Variants in LMF1 observed in about 807,000 individuals in gnomAD.
LMF1 encodes lipase maturation factor 1.
LMF1 carries 68 observed loss-of-function variants against 60.6 expected under a neutral mutation model. That is an observed-to-expected ratio of 1.12 (90% CI 0.92 to 1.37). LMF1 has a LOEUF of 1.37. Among genes scored for constraint, LMF1 ranks in the 40% most tolerant of loss-of-function variants. The pLI is 0.00. For synonymous variants in LMF1, 418 were observed against 324.7 expected (o/e 1.29, Z -3.09); for missense variants, 948 against 767.2 (o/e 1.24, Z -2.78).
intron 3 of LMF1, among the ~76,000 whole-genome samples, chr16:913,894 C>T (rs1048221262): frequency 2.0e-5 from 3 of 152,204 alleles, no homozygotes; most frequent in Non-Finnish European, 2.9e-5. Flanking sequence ...TGCAGGCCCC[C>T]GACACCCCGA....
At chr16:909,870 G>A (rs1042429836) in intron 4 of LMF1, among the ~76,000 whole-genome samples, 3 of 152,280 alleles carry the variant, frequency 2.0e-5, no homozygotes, top group Admixed American at 6.5e-5. Context: ...CCGAGACGGC[G>A]GCACACTCTG....
chr16:869,406 C>T, intron 9 of LMF1: 1 of 572,778 alleles, frequency 1.7e-6, no homozygotes, highest in Non-Finnish European at 3.3e-6. Context: ...CCATGGGTGC[C>T]TCTGCTACCC....
intron 3 of LMF1, among the ~76,000 whole-genome samples, chr16:928,812 T>C (rs1054008419): frequency 5.3e-5 from 8 of 151,750 alleles, no homozygotes; most frequent in Non-Finnish European, 5.9e-5. Flanking sequence ...GGGGGTAGGA[T>C]CGCCTGGAGG....
chr16:960,272 T>C lies in LMF1; in HGVS notation c.194-5606A>G, dbSNP rs74644924. On this transcript the variant is annotated intron_variant, in intron 1 of 10. Transcript: ENST00000262301. ...AGCAGCAAACTCACAGTGACAGCACTGGATCATAACCCAGACAAAGACTCA... is the reference window on the plus strand; with the variant it reads ...AGCAGCAAACTCACAGTGACAGCACCGGATCATAACCCAGACAAAGACTCA... 1.4e-5 allele frequency among the ~76,000 whole-genome samples: 2 copies of C among 144,394 alleles called. 1 individual carries two copies. Among genetic ancestry groups the C allele is most frequent in the African/African-American group, 5.5e-5 (2 of 36,092 alleles). The allele number at this position is 144,394 out of a possible 152,430, so 94.7% of individuals were successfully genotyped here. A position where few individuals can be genotyped will look rare whatever the true frequency, so the allele number is the denominator to read the frequency against.
chr16:871,748 G>A (rs905405623), intron 6 of LMF1: 1 of 177,282 alleles, frequency 5.6e-6, no homozygotes, highest in African/African-American at 2.4e-5. Context: ...CTTGGAGAGT[G>A]GGTACTGGGG....
intron 10 of LMF1, among the ~76,000 whole-genome samples, chr16:864,599 A>G (rs961762944): frequency 6.6e-6 from 1 of 151,194 alleles, no homozygotes; most frequent in African/African-American, 2.4e-5. Flanking sequence ...TTTGACTTAC[A>G]TTTTCAACTT....
chr16:969,630 G>A (rs1355543509), intron 1 of LMF1, among the ~76,000 whole-genome samples: 1 of 152,240 alleles, frequency 6.6e-6, no homozygotes, highest in Non-Finnish European at 1.5e-5. Flanking sequence ...AAAGGGAGAC[G>A]TCCAATGCCC....
rs2069782756 is a variant in LMF1, at chr16:871,279, C to T, written c.960G>A (p.Leu320=). 4 of 1,612,616 alleles carry T rather than the reference C, an allele frequency of 2.5e-6. No homozygotes were observed. The highest frequency in any genetic ancestry group is 2.5e-6 in the Non-Finnish European group (3 of 1,179,816). Residue 320 remains leucine (L), a synonymous_variant, in exon 7 of 11, where the codon CTG becomes CTA. Coordinates refer to ENST00000262301, the MANE Select transcript of LMF1 (RefSeq NM_022773.4). ...CCAGGGTGGCGTCATCAAAGCAGGC[C>T]AGGCTGGGCACCATAGTCAGCCAGT... The part of the protein sequence containing the change: ...FLNWLTMVPS[L]ACFDDATLGF...
intron 8 of LMF1, 67 bp from the exon 9 acceptor site, chr16:870,133 T>G (rs1191887456): frequency 6.6e-7 from 1 of 1,506,140 alleles, no homozygotes. Flanking sequence ...GGTGCATGGG[T>G]GGGGGGGGTT....
At chr16:871,416 G>A (rs1240900847) in intron 6 of LMF1, 75 bp from the exon 7 acceptor site, 3 of 1,466,056 alleles carry the variant, frequency 2.0e-6, no homozygotes, top group East Asian at 2.4e-5. Flanking sequence ...CTCTCTTCCT[G>A]GAGCAGGGAG....
At position 894,012 on chromosome 16, in the gene LMF1, TCC is replaced by T. The variant is rs2070577782; in HGVS notation, c.664-942_664-941del. ...GTCCACCCCACTGTCCACCCACCCGTCCCCCTGTCCACCGGGCCGTCTGCCCA... is the reference window on the plus strand; with the variant it reads ...GTCCACCCCACTGTCCACCCACCCGTCCCTGTCCACCGGGCCGTCTGCCCA... On this transcript the variant is annotated intron_variant, in intron 4 of 10. Transcript: ENST00000262301. 1.1e-4 allele frequency among the ~76,000 whole-genome samples: 15 copies of T among 141,888 alleles called. No homozygotes were observed. The South Asian group carries it at 3.7e-3, about 35-fold the overall frequency. The allele number at this position is 141,888 out of a possible 152,430, so 93.1% of individuals were successfully genotyped here.
At chr16:894,699 C>A (rs1282852207) in intron 4 of LMF1, among the ~76,000 whole-genome samples, 1 of 152,218 alleles carries the variant, frequency 6.6e-6, no homozygotes, top group Non-Finnish European at 1.5e-5. Context: ...CCGCACTGGG[C>A]TGCAGGTAGC....
chr16:859,897 G>C, intron 10 of LMF1, among the ~76,000 whole-genome samples: 1 of 143,684 alleles, frequency 7.0e-6, no homozygotes, highest in African/African-American at 2.9e-5. Flanking sequence ...TGGTGTCTCG[G>C]GATGGGTGTG....
At chr16:889,573 C>T (rs534267967) in intron 5 of LMF1, among the ~76,000 whole-genome samples, 1 of 152,264 alleles carries the variant, frequency 6.6e-6, no homozygotes, top group South Asian at 2.1e-4. Context: ...AGAGGCTCAG[C>T]GTCCCCTACA....
chr16:855,336 T>C, intron 10 of LMF1: 1 of 272,140 alleles, frequency 3.7e-6, no homozygotes, highest in South Asian at 3.9e-5. Context: ...CCCACCCCCA[T>C]CTCCCCTGGA....
At chr16:880,848 A>C (rs759338663) in intron 5 of LMF1, among the ~76,000 whole-genome samples, 1 of 152,232 alleles carries the variant, frequency 6.6e-6, no homozygotes, top group Non-Finnish European at 1.5e-5. Flanking sequence ...GGTGGTGGGA[A>C]GAGTGCCCTA....
chr16:861,427 A>G (rs2069463890), intron 10 of LMF1, among the ~76,000 whole-genome samples: 1 of 139,976 alleles, frequency 7.1e-6, no homozygotes, highest in Non-Finnish European at 1.5e-5. Context: ...ACGCAATCTC[A>G]GCTCACTGTA....
intron 3 of LMF1, among the ~76,000 whole-genome samples, chr16:915,387 C>A (rs1567232203): frequency 6.6e-6 from 1 of 152,230 alleles, no homozygotes; most frequent in Non-Finnish European, 1.5e-5. Context: ...AGCTCCTAGG[C>A]ACCTGCTCCC....
chr16:954,942 G>C (rs1454534864), intron 1 of LMF1, among the ~76,000 whole-genome samples: 1 of 134,990 alleles, frequency 7.4e-6, no homozygotes, highest in Non-Finnish European at 1.6e-5. Context: ...GCCCGCAGCA[G>C]ACGCGGTGTG....
Sources: gnomAD v4.1 joint callset for allele counts (sites outside exome capture counted in the v4.1 genomes callset) on GRCh38, gnomAD v4.1.1 for gene constraint, MANE v1.5 for transcripts, NCBI Gene and HGNC (gene_info 2026-07-23, HGNC 2026-07-21) for gene names.